The following NOP56 variants were observed in gnomAD, a reference collection of about 807,000 sequenced individuals.
NOP56 encodes nucleolar protein 56.
A neutral mutation model predicts 58.3 loss-of-function variants in NOP56; 31 were observed. The observed-to-expected ratio is 0.53, with a 90% CI of 0.40 to 0.72. The LOEUF (loss-of-function observed/expected upper bound fraction) is 0.72. Among genes scored for constraint, NOP56 ranks in the 30% least tolerant of loss-of-function variants. The probability of loss-of-function intolerance (pLI) is 0.00; values close to 1 mark genes in which losing one functional copy is unlikely to be tolerated. For synonymous variants in NOP56, 313 were observed against 282.8 expected, an observed-to-expected ratio of 1.11 and a Z score of -1.07; for missense variants, 669 against 739.9, an observed-to-expected ratio of 0.90 and a Z score of 1.11.
chr20:2,654,332 T>TA, intron 3 of NOP56, 82 bp from the exon 4 acceptor site: 2 of 1,498,168 alleles, frequency 1.3e-6, no homozygotes, highest in South Asian at 2.3e-5. Flanking sequence ...GCGTGCTCGG[T>TA]GGGACCAGGG....
intron 1 of NOP56, 51 bp from the exon 2 acceptor site, chr20:2,652,791 C>G (rs1263772401): frequency 1.5e-5 from 24 of 1,578,090 alleles, no homozygotes; most frequent in Non-Finnish European, 2.0e-5. Context: ...GGAACGGGTT[C>G]CGGCAGACGC....
rs559661511 is a variant in NOP56, at chr20:2,654,789, C to T, written c.411C>T (p.Thr137=). The T allele has an allele frequency of 2.4e-5, 39 of 1,613,954 alleles. No homozygotes were observed. Among genetic ancestry groups the T allele is most frequent in the East Asian group, 4.5e-5 (2 of 44,890 alleles). ...TCCACAATCTGGTGAAGGGTCTGACCGATCTGTCAGCTTGTAAAGCACAGC... is the reference window on the plus strand; with the variant it reads ...TCCACAATCTGGTGAAGGGTCTGACTGATCTGTCAGCTTGTAAAGCACAGC... ...LHFHNLVKGL[T]DLSACKAQLG... The change falls in exon 5 of 12, where the codon ACC becomes ACT. Residue 137 remains threonine, a synonymous_variant. Coordinates refer to ENST00000329276, the MANE Select transcript of NOP56 (RefSeq NM_006392.4).
chr20:2,656,097 G>T, intron 8 of NOP56, 63 bp downstream of exon 8: 1 of 1,613,586 alleles, frequency 6.2e-7, no homozygotes, highest in South Asian at 1.1e-5. Flanking sequence ...CTTGTTGGGG[G>T]ATCACGGTGA....
At position 2,654,912 on chromosome 20, in the gene NOP56, G is replaced by A. The variant is rs1394402939; in HGVS notation, c.534G>A (p.Leu178=). 4 of 1,614,198 alleles carry A rather than the reference G, an allele frequency of 2.5e-6. No individual in the cohort carries two copies. The highest frequency in any genetic ancestry group is 2.2e-5 in the East Asian group (1 of 44,884). The change falls in exon 5 of 12, where the codon CTG becomes CTA. Residue 178 remains leucine (L), a synonymous_variant. Coordinates refer to ENST00000329276, the MANE Select transcript of NOP56 (RefSeq NM_006392.4). ...IIQSISLLDQ[L]DKDINTFSMR... is the part of the protein sequence containing the mutation. ...AGTCCATTAGCCTCCTGGACCAGCTGGATAAGGACATCAATACCTTCTCTA... is the reference window on the plus strand; with the variant it reads ...AGTCCATTAGCCTCCTGGACCAGCTAGATAAGGACATCAATACCTTCTCTA...
chr20:2,653,532 G>T (rs1384318469), intron 3 of NOP56, 139 bp downstream of exon 3: 1 of 668,680 alleles, frequency 1.5e-6, no homozygotes, highest in Non-Finnish European at 2.7e-6. Flanking sequence ...CATACAATGT[G>T]TAATTTGAAA....
chr20:2,656,461 T>C lies in NOP56; in HGVS notation c.1071T>C (p.Ile357=). The change falls in exon 9 of 12, where the codon ATT becomes ATC. Residue 357 remains isoleucine (I), a synonymous_variant. Transcript: ENST00000329276. ...KYGLIFHSTF[I]GRAAAKNKGR... The stretch of plus-strand genomic sequence containing the variant: ...GACTCATTTTCCACTCCACCTTCAT[T>C]GGCCGAGCAGCTGCCAAGAACAAAG... 1.9e-6 allele frequency: 3 copies of C among 1,614,084 alleles called. No homozygotes were observed. Among genetic ancestry groups the C allele is most frequent in the Non-Finnish European group, 2.5e-6 (3 of 1,180,016 alleles).
At chr20:2,653,224 C>T in intron 2 of NOP56, 55 bp from the exon 3 acceptor site, 6 of 1,399,390 alleles carry the variant, frequency 4.3e-6, no homozygotes, top group South Asian at 1.2e-5. Flanking sequence ...TGCTTGACTG[C>T]GCCGCAGAGG....
At chr20:2,656,163 G>A (rs2086814209) in intron 8 of NOP56, 129 bp downstream of exon 8, 3 of 1,608,686 alleles carry the variant, frequency 1.9e-6, no homozygotes, top group African/African-American at 2.7e-5. Flanking sequence ...GTGATGGCCA[G>A]TCCTGGTGTC....
chr20:2,652,958 G>C (rs1389824852), intron 2 of NOP56, 27 bp downstream of exon 2: 5 of 1,560,014 alleles, frequency 3.2e-6, no homozygotes, highest in Non-Finnish European at 4.4e-6. Context: ...GGCTCCTTTG[G>C]CGGCCCCGCA....
chr20:2,655,346 T>C lies in NOP56; in HGVS notation c.591T>C (p.Phe197=). The C allele has an allele frequency of 6.2e-7, 1 of 1,614,184 alleles. No individual in the cohort carries two copies. The highest frequency in any genetic ancestry group is 8.5e-7 in the Non-Finnish European group (1 of 1,180,038). ...GCAGGGAGTGGTACGGGTATCACTT[T>C]CCGGAGCTGGTGAAGATCATCAACG... is the stretch of plus-strand genomic sequence containing the variant. ...MRVREWYGYH[F]PELVKIINDN... The change falls in exon 6 of 12, where the codon TTT becomes TTC. Residue 197 remains phenylalanine (F), a synonymous_variant. Coordinates refer to ENST00000329276, the MANE Select transcript of NOP56 (RefSeq NM_006392.4).
chr20:2,653,353 A>G lies in NOP56; in HGVS notation c.168A>G (p.Ser56=), dbSNP rs926665939. 6.2e-7 allele frequency: 1 copy of G among 1,614,046 alleles called. No individual in the cohort carries two copies. Among genetic ancestry groups the G allele is most frequent in the African/African-American group, 1.3e-5 (1 of 74,932 alleles). Residue 56 remains serine (S), a synonymous_variant, in exon 3 of 12, where the codon TCA becomes TCG. Coordinates refer to ENST00000329276, the MANE Select transcript of NOP56 (RefSeq NM_006392.4). ...VRLVAFCPFA[S]SQVALENANA... is the part of the protein sequence containing the mutation. ...TGGTGGCCTTTTGTCCCTTTGCCTCATCCCAGGTTGCCTTGGAAAATGCCA... is the reference window on the plus strand; with the variant it reads ...TGGTGGCCTTTTGTCCCTTTGCCTCGTCCCAGGTTGCCTTGGAAAATGCCA...
chr20:2,653,555 C>G, intron 3 of NOP56, 162 bp downstream of exon 3: 1 of 630,242 alleles, frequency 1.6e-6, no homozygotes. Context: ...ATTGTCTTCA[C>G]AGAGCTCAAG....
intron 5 of NOP56, 98 bp from the exon 6 acceptor site, chr20:2,655,227 A>G (rs2086801856): frequency 6.9e-7 from 1 of 1,441,642 alleles, no homozygotes; most frequent in Non-Finnish European, 9.8e-7. Flanking sequence ...TCTTTGTCCC[A>G]TTTCCTCCAG....
In NOP56 at chr20:2,658,062, TG is replaced by T. The variant is rs2086851815; in HGVS notation, c.1554del (p.Met518IlefsTer?). On this transcript the variant is annotated frameshift_variant, in exon 12 of 12. Transcript: ENST00000329276. LOFTEE classifies it low-confidence loss of function (END_TRUNC). ...AAATCTTTTTCCAAGGAGGAGTTGA[TG>T]AGTAGCGATCTTGAAGAGACCGCTG... is the stretch of plus-strand genomic sequence containing the variant. ...KKKSFSKEEL[M>X]SSDLEETAGS... 1 of 1,613,788 alleles carries T rather than the reference TG, an allele frequency of 6.2e-7. No homozygotes were observed. Among genetic ancestry groups the T allele is most frequent in the Non-Finnish European group, 8.5e-7 (1 of 1,179,832 alleles).
intron 11 of NOP56, chr20:2,657,522 C>A: frequency 3.4e-6 from 2 of 594,238 alleles, no homozygotes. Context: ...TATTATCAGA[C>A]GTGTGTCCGG....
At chr20:2,655,176 G>A (rs745935082) in intron 5 of NOP56, 149 bp from the exon 6 acceptor site, 1 of 1,150,080 alleles carries the variant, frequency 8.7e-7, no homozygotes, top group Admixed American at 1.7e-5. Flanking sequence ...TGCCTGGTCT[G>A]TATTGTGAAT....
chr20:2,655,823 CA>C, intron 7 of NOP56, 77 bp downstream of exon 7: 1 of 1,610,874 alleles, frequency 6.2e-7, no homozygotes, highest in East Asian at 2.2e-5. Context: ...TTTCGTGACC[CA>C]CCATGTCTTC....
rs1011151170 is a variant in NOP56 at position 2,654,545 on chromosome 20, A to G, written c.340A>G (p.Thr114Ala). Reference protein sequence around the residue: ...IQEELGYNCQTGGVIAEILRG... With the variant: ...IQEELGYNCQAGGVIAEILRG... ...GGAGGAGTTAGGGTACAACTGCCAG[A>G]CTGGAGGAGTCATAGCTGAGATCCT... The change falls in exon 4 of 12, where the codon ACT becomes GCT. Residue 114 changes from threonine to alanine, a missense_variant. Around this residue, in one of 3 missense-constraint regions of NOP56, gnomAD observed 339 missense variants for 430.5 expected, o/e 0.79. Coordinates refer to ENST00000329276, the MANE Select transcript of NOP56 (RefSeq NM_006392.4). The G allele has an allele frequency of 4.3e-6, 7 of 1,614,198 alleles. No homozygotes were observed. The highest frequency in any genetic ancestry group is 5.9e-6 in the Non-Finnish European group (7 of 1,180,032).
At position 2,655,933 on chromosome 20, in the gene NOP56, G is replaced by C; in HGVS notation, c.910-1G>C. 6.2e-7 allele frequency: 1 copy of C among 1,614,204 alleles called. No homozygotes were observed. The highest frequency in any genetic ancestry group is 1.7e-5 in the Admixed American group (1 of 60,022). ...GACTGCTTCCTTGACTCTCTCTCCA[G>C]GTAGGTGCACGTCTCATCGCACATG... On this transcript the variant is annotated splice_acceptor_variant, in intron 7 of 11. Coordinates refer to ENST00000329276, the MANE Select transcript of NOP56 (RefSeq NM_006392.4). LOFTEE classifies it high-confidence loss of function.
Sources: gnomAD v4.1 joint callset for allele counts on GRCh38, gnomAD v4.1.1 for gene constraint, gnomAD v4.1.1 regional missense constraint, MANE v1.5 for transcripts, NCBI Gene and HGNC (gene_info 2026-07-23, HGNC 2026-07-21) for gene names.